Variants in CDH4 observed in about 807,000 individuals in gnomAD.
The protein encoded by CDH4 is cadherin 4, also known as cadherin-4.
A neutral mutation model predicts 86.0 loss-of-function variants in CDH4; 33 were observed. The ratio of observed to expected loss-of-function variants is 0.38; its 90% CI spans 0.29 to 0.51. The LOEUF (loss-of-function observed/expected upper bound fraction) is 0.51, where lower values mean the gene tolerates loss of function less well. Ranked by LOEUF, CDH4 falls within the 20% of genes least tolerant of loss-of-function variation. The pLI, the probability that CDH4 is intolerant of heterozygous loss-of-function variation, is 0.86. For synonymous variants in CDH4, 555 were observed against 549.4 expected (o/e 1.01, Z -0.14); for missense variants, 1,114 against 1,307.4 (o/e 0.85, Z 2.28).
intron 2 of CDH4, among the ~76,000 whole-genome samples, chr20:61,299,025 T>C (rs1329373241): frequency 6.6e-6 from 1 of 152,172 alleles, no homozygotes; most frequent in African/African-American, 2.4e-5. Context: ...AAAATGCCTT[T>C]TGCTGAATCC....
At chr20:61,823,928 G>A (rs538257209) in intron 4 of CDH4, among the ~76,000 whole-genome samples, 2 of 152,318 alleles carry the variant, frequency 1.3e-5, no homozygotes, top group African/African-American at 4.8e-5. Flanking sequence ...TGTGTAAAAG[G>A]CATGTTTTAT....
At chr20:61,781,088 A>G (rs1303429531) in intron 4 of CDH4, among the ~76,000 whole-genome samples, 1 of 152,238 alleles carries the variant, frequency 6.6e-6, no homozygotes, top group African/African-American at 2.4e-5. Flanking sequence ...AGAACTAAGC[A>G]GAGATTCCAG....
intron 2 of CDH4, among the ~76,000 whole-genome samples, chr20:61,264,625 T>C (rs2084146536): frequency 6.8e-6 from 1 of 146,910 alleles, no homozygotes; most frequent in East Asian, 2.2e-4. Flanking sequence ...TACACATATC[T>C]CAGTGGTTCC....
intron 2 of CDH4, among the ~76,000 whole-genome samples, chr20:61,429,340 C>A (rs922628850): frequency 1.2e-4 from 18 of 152,196 alleles, no homozygotes; most frequent in African/African-American, 4.3e-4. Context: ...CAGGCAGCCT[C>A]CAGAGCCTAC....
intron 2 of CDH4, among the ~76,000 whole-genome samples, chr20:61,713,418 G>C (rs537835562): frequency 2.0e-5 from 3 of 152,196 alleles, no homozygotes; most frequent in African/African-American, 4.8e-5. Context: ...TACTCTAAGC[G>C]TGGAACTTTG....
At chr20:61,925,352 G>T (rs2122980322) in intron 11 of CDH4, among the ~76,000 whole-genome samples, 1 of 152,332 alleles carries the variant, frequency 6.6e-6, no homozygotes, top group African/African-American at 2.4e-5. Context: ...CCGAAGATCA[G>T]TCCAGTACCA....
At position 61,440,743 on chromosome 20, in the gene CDH4, G is replaced by A. The variant is rs539945157; in HGVS notation, c.169+185806G>A. Among the ~76,000 whole-genome samples, 8 of 152,308 alleles carry A rather than the reference G, an allele frequency of 5.3e-5. No homozygotes were observed. In the East Asian group the frequency reaches 1.5e-3, roughly 29 times the overall value. Reference sequence around the variant, plus strand: ...CTTCTCGGCCCGTGGCGGGCGCCATGGAGGAAGCGCTATTGTTGGTGTCCT... The same window carrying A: ...CTTCTCGGCCCGTGGCGGGCGCCATAGAGGAAGCGCTATTGTTGGTGTCCT... On this transcript the variant is annotated intron_variant, in intron 2 of 15. Transcript: ENST00000614565.
In CDH4 at chr20:61,422,449, AAAAAAAAAAAAAAAAAAAC is replaced by A. The variant is rs1466224578; in HGVS notation, c.169+167513_169+167531del. 4.5e-3 allele frequency among the ~76,000 whole-genome samples: 618 copies of A among 138,442 alleles called. 40 individuals are homozygous for A. Among genetic ancestry groups the A allele is most frequent in the African/African-American group, 0.016 (524 of 33,024 alleles). The allele number at this position is 138,442 out of a possible 152,430, so 90.8% of individuals were successfully genotyped here. Reference sequence around the variant, plus strand: ...CAAAAAAAAAAAAAAAAAAAAAAAAAAAAAAAAAAAAAAAAAAACCAAATCTCCCCAAGTGTCTTCTTTA... The same window carrying A: ...CAAAAAAAAAAAAAAAAAAAAAAAAACAAATCTCCCCAAGTGTCTTCTTTA... On this transcript the variant is annotated intron_variant, in intron 2 of 15. Coordinates refer to ENST00000614565, the MANE Select transcript of CDH4 (RefSeq NM_001794.5).
chr20:61,423,563 G>C (rs1387939785), intron 2 of CDH4, among the ~76,000 whole-genome samples: 1 of 152,150 alleles, frequency 6.6e-6, no homozygotes, highest in African/African-American at 2.4e-5. Context: ...GATGAACTTA[G>C]CATTGACTTT....
At chr20:61,755,142 T>A (rs1258274593) in intron 3 of CDH4, 1 of 152,096 alleles carries the variant, frequency 6.6e-6, no homozygotes, top group Non-Finnish European at 1.5e-5. Flanking sequence ...ATCACGAGAA[T>A]AGCACGGGAA....
intron 2 of CDH4, among the ~76,000 whole-genome samples, chr20:61,732,214 T>C (rs2088198861): frequency 6.6e-6 from 1 of 152,212 alleles, no homozygotes; most frequent in African/African-American, 2.4e-5. Context: ...GCATCTTTCA[T>C]GGGAGACAGT....
At chr20:61,742,350 T>G (rs1167556660) in intron 2 of CDH4, among the ~76,000 whole-genome samples, 1 of 151,934 alleles carries the variant, frequency 6.6e-6, no homozygotes, top group East Asian at 1.9e-4. Context: ...AACCCACAAG[T>G]AGGAGGTGCC....
At chr20:61,257,175 T>C (rs138646951) in intron 2 of CDH4, among the ~76,000 whole-genome samples, 59 of 152,350 alleles carry the variant, frequency 3.9e-4, no homozygotes, top group African/African-American at 1.4e-3. Context: ...AGAGTGGCCA[T>C]GTTCCTCTGA....
intron 2 of CDH4, among the ~76,000 whole-genome samples, chr20:61,504,908 A>G (rs2085729769): frequency 6.6e-6 from 1 of 152,206 alleles, no homozygotes; most frequent in South Asian, 2.1e-4. Flanking sequence ...TTGATTTAGA[A>G]GAAGTGTCTG....
chr20:61,390,469 G>A (rs1228256532), intron 2 of CDH4, among the ~76,000 whole-genome samples: 11 of 140,944 alleles, frequency 7.8e-5, no homozygotes, highest in Non-Finnish European at 1.6e-4. Flanking sequence ...GATTGGGTTC[G>A]TACAGTCATA....
At position 61,924,423 on chromosome 20, in the gene CDH4, C is replaced by G. The variant is rs747536265; in HGVS notation, c.1718C>G (p.Ser573Cys). 6.2e-7 allele frequency: 1 copy of G among 1,613,866 alleles called. No homozygotes were observed. The highest frequency in any genetic ancestry group is 1.1e-5 in the South Asian group (1 of 91,070). Reference sequence around the variant, plus strand: ...ACGGCGGCAGTGCTGGACCGTGAGTCCCTCTACACCAAAAACAACGTCTAC... The same window carrying G: ...ACGGCGGCAGTGCTGGACCGTGAGTGCCTCTACACCAAAAACAACGTCTAC... ...ITTAAVLDRE[S>C]LYTKNNVYEA... The change falls in exon 11 of 16, where the codon TCC becomes TGC. Residue 573 changes from serine to cysteine, a missense_variant. Ser to Cys is a moderately radical substitution (Grantham distance 112). Around this residue, in one of 3 missense-constraint regions of CDH4, gnomAD observed 705 missense variants for 914.1 expected, o/e 0.77. Coordinates refer to ENST00000614565, the MANE Select transcript of CDH4 (RefSeq NM_001794.5).
In CDH4 at chr20:61,314,359, C is replaced by T. The variant is rs146724347; in HGVS notation, c.169+59422C>T. On this transcript the variant is annotated intron_variant, in intron 2 of 15. Coordinates refer to ENST00000614565, the MANE Select transcript of CDH4 (RefSeq NM_001794.5). ...TTTAGATTCCACGTAGAAGTGAGAT[C>T]GTGCAGTATCTGTCTTTCTGGGCCT... Among the ~76,000 whole-genome samples the T allele has an allele frequency of 4.4e-3, 668 of 152,288 alleles. 8 individuals carry two copies. Among genetic ancestry groups the T allele is most frequent in the African/African-American group, 0.015 (636 of 41,548 alleles).
intron 2 of CDH4, among the ~76,000 whole-genome samples, chr20:61,373,422 C>A (rs1434196279): frequency 6.6e-6 from 1 of 152,214 alleles, no homozygotes; most frequent in East Asian, 1.9e-4. Context: ...ATTCAAAGAC[C>A]CTTTTATTGT....
intron 2 of CDH4, among the ~76,000 whole-genome samples, chr20:61,355,748 C>T (rs1026706359): frequency 9.9e-5 from 15 of 152,212 alleles, no homozygotes; most frequent in South Asian, 4.1e-4. Context: ...CCTGTCTGTG[C>T]GTGGATCTCT....
Sources: allele counts gnomAD v4.1 joint callset (sites outside exome capture counted in the v4.1 genomes callset), GRCh38; gene constraint gnomAD v4.1.1; regional missense constraint gnomAD v4.1.1; transcripts MANE v1.5; gene names NCBI Gene and HGNC (gene_info 2026-07-23, HGNC 2026-07-21).